MYO16: variants seen among roughly 807,000 people sequenced by gnomAD.
MYO16 encodes unconventional myosin-XVI.
A neutral mutation model predicts 205.3 loss-of-function variants in MYO16; 94 were observed. The observed-to-expected ratio is 0.46, with a 90% CI of 0.39 to 0.54. The LOEUF (loss-of-function observed/expected upper bound fraction) is 0.54, where lower values mean the gene tolerates loss of function less well. MYO16 is among the 20% of genes least tolerant of loss of function. The pLI is 0.00. For missense variants in MYO16, 2,315 were observed against 2,387.5 expected (o/e 0.97, Z 0.63); for synonymous variants, 988 against 954.0 (o/e 1.04, Z -0.66).
At chr13:108,821,834 G>A (rs932203340) in intron 8 of MYO16, among the ~76,000 whole-genome samples, 2 of 152,184 alleles carry the variant, frequency 1.3e-5, no homozygotes, top group South Asian at 2.1e-4. Flanking sequence ...CATTGGTCAT[G>A]CAAAGTCGAC....
At chr13:109,139,720 T>TG (rs1026038411) in intron 31 of MYO16, among the ~76,000 whole-genome samples, 56 of 152,310 alleles carry the variant, frequency 3.7e-4, no homozygotes, top group African/African-American at 1.3e-3. Flanking sequence ...GGAACGTGAC[T>TG]GGGGTTACAT....
chr13:108,932,307 CCTA>C (rs1342139351), intron 16 of MYO16, among the ~76,000 whole-genome samples: 1 of 152,018 alleles, frequency 6.6e-6, no homozygotes, highest in African/African-American at 2.4e-5. Context: ...TTGAGCTTCT[CCTA>C]CTGCTGCTTA....
intron 33 of MYO16, among the ~76,000 whole-genome samples, chr13:109,172,761 ATAT>A (rs1162999077): frequency 3.9e-5 from 6 of 152,262 alleles, no homozygotes; most frequent in African/African-American, 1.2e-4. Flanking sequence ...TATTCATAAA[ATAT>A]TATGTGTTTT....
rs550020051 is a variant in MYO16 at position 108,875,706 on chromosome 13, G to T, written c.1426-7353G>T. Among the ~76,000 whole-genome samples, 5 of 152,070 alleles carry T rather than the reference G, an allele frequency of 3.3e-5. No homozygotes were observed. The South Asian group carries it at 1.0e-3, about 32-fold the overall frequency. On this transcript the variant is annotated intron_variant, in intron 12 of 34. Coordinates refer to ENST00000457511, the MANE Select transcript of MYO16 (RefSeq NM_001198950.3). ...AAATAAATAAAATTTAAAAACCCTAGCCAGCTGTGGCCTAGGGTTTTTAAA... is the reference window on the plus strand; with the variant it reads ...AAATAAATAAAATTTAAAAACCCTATCCAGCTGTGGCCTAGGGTTTTTAAA...
chr13:109,074,539 ACT>A (rs1270355600), intron 27 of MYO16, among the ~76,000 whole-genome samples: 1 of 152,048 alleles, frequency 6.6e-6, no homozygotes, highest in Non-Finnish European at 1.5e-5. Context: ...TCTTGTGAGA[ACT>A]CTCTATCACG....
chr13:109,201,210 A>G (rs1392380331), intron 34 of MYO16, among the ~76,000 whole-genome samples: 1 of 152,132 alleles, frequency 6.6e-6, no homozygotes, highest in African/African-American at 2.4e-5. Flanking sequence ...GTAATTTCAC[A>G]AGAGAAGACA....
At chr13:109,069,925 A>G (rs561768420) in intron 27 of MYO16, among the ~76,000 whole-genome samples, 7 of 152,236 alleles carry the variant, frequency 4.6e-5, no homozygotes, top group African/African-American at 1.7e-4. Flanking sequence ...GTCTCTCATG[A>G]TCTTTACATT....
chr13:108,965,668 A>G (rs1484024204), intron 20 of MYO16, among the ~76,000 whole-genome samples: 1 of 152,144 alleles, frequency 6.6e-6, no homozygotes, highest in East Asian at 1.9e-4. Context: ...GGCCTCCCAA[A>G]GTGCTGGGAT....
the MYO16 span, among the ~76,000 whole-genome samples, chr13:108,555,604 A>G: frequency 5.3e-5 from 8 of 152,208 alleles, no homozygotes; most frequent in Admixed American, 5.2e-4. Context: ...TGTTGAGAAC[A>G]CTAAGTCTAC....
intron 2 of MYO16, among the ~76,000 whole-genome samples, chr13:108,676,517 T>C (rs1191799558): frequency 6.6e-6 from 1 of 152,162 alleles, no homozygotes; most frequent in Middle Eastern, 3.2e-3. Flanking sequence ...ACTTCTATGA[T>C]GTGACTTGGA....
intron 12 of MYO16, among the ~76,000 whole-genome samples, chr13:108,878,439 CT>C (rs1430700735): frequency 2.0e-5 from 3 of 152,146 alleles, no homozygotes; most frequent in African/African-American, 7.2e-5. Flanking sequence ...TCTTCCCACT[CT>C]ATCCCCTTTC....
intron 3 of MYO16, among the ~76,000 whole-genome samples, chr13:108,723,860 A>T (rs941828815): frequency 6.6e-6 from 1 of 152,166 alleles, no homozygotes; most frequent in Non-Finnish European, 1.5e-5. Flanking sequence ...TATAAAAAAA[A>T]ACCCTTCTGG....
At chr13:108,855,665 T>G in intron 11 of MYO16, 112 bp downstream of exon 11, 1 of 650,712 alleles carries the variant, frequency 1.5e-6, no homozygotes, top group South Asian at 3.0e-5. Flanking sequence ...CTTCTGGTAG[T>G]GGTGATAGCT....
chr13:108,528,420 G>A, the MYO16 span, among the ~76,000 whole-genome samples: 1 of 152,060 alleles, frequency 6.6e-6, no homozygotes, highest in Non-Finnish European at 1.5e-5. Context: ...AATACAGTGA[G>A]GAGACATGGA....
At position 108,823,270 on chromosome 13, in the gene MYO16, G is replaced by T; in HGVS notation, c.1089G>T (p.Ser363=). Residue 363 remains serine, a synonymous_variant, in exon 9 of 35, where the codon TCG becomes TCT. Transcript: ENST00000457511. ...TCATTCACGATCTTCCCGTACTGTC[G>T]AGTAAGCTGTAAGTGTCTTCCTGCT... ...EEIIHDLPVL[S]SKLSPLVLPI... 1 of 1,607,262 alleles carries T rather than the reference G, an allele frequency of 6.2e-7. No individual in the cohort carries two copies. Among genetic ancestry groups the T allele is most frequent in the Non-Finnish European group, 8.5e-7 (1 of 1,176,562 alleles).
intron 32 of MYO16, among the ~76,000 whole-genome samples, chr13:109,151,657 G>T (rs1594131593): frequency 6.6e-6 from 1 of 152,312 alleles, no homozygotes; most frequent in East Asian, 1.9e-4. Context: ...AGTGATATAT[G>T]CACAATTGGT....
At chr13:109,126,928 G>T (rs969522778) in intron 30 of MYO16, among the ~76,000 whole-genome samples, 1 of 152,188 alleles carries the variant, frequency 6.6e-6, no homozygotes, top group Non-Finnish European at 1.5e-5. Context: ...TTGAAATTCT[G>T]GTTTTTTGAT....
chr13:108,543,344 T>C, the MYO16 span, among the ~76,000 whole-genome samples: 1 of 152,146 alleles, frequency 6.6e-6, no homozygotes, highest in Admixed American at 6.5e-5. Flanking sequence ...AGATTTTATT[T>C]TGGTAAAAAA....
At chr13:109,088,845 G>A (rs1011468686) in intron 27 of MYO16, among the ~76,000 whole-genome samples, 43 of 152,176 alleles carry the variant, frequency 2.8e-4, no homozygotes, top group African/African-American at 9.6e-4. Context: ...GAACAGCCCC[G>A]CCGAGGGCCT....
Sources: gnomAD v4.1 joint callset for allele counts (sites outside exome capture counted in the v4.1 genomes callset) on GRCh38, gnomAD v4.1.1 for gene constraint, MANE v1.5 for transcripts, NCBI Gene and HGNC (gene_info 2026-07-23, HGNC 2026-07-21) for gene names.